Variants in PCNX2 observed in about 807,000 individuals in gnomAD.
The protein encoded by PCNX2 is pecanex-like protein 2.
A neutral mutation model predicts 223.8 loss-of-function variants in PCNX2; 168 were observed. The ratio of observed to expected loss-of-function variants is 0.75; its 90% confidence interval spans 0.66 to 0.85. The LOEUF is 0.85. Ranked by LOEUF, PCNX2 falls within the 40% of genes least tolerant of loss-of-function variation. The pLI is 0.00. For missense variants in PCNX2, 2,507 were observed against 2,675.5 expected, an observed-to-expected ratio of 0.94 and a Z score of 1.39; for synonymous variants, 1,006 against 1,052.6, an observed-to-expected ratio of 0.96 and a Z score of 0.86.
Position 233,062,239 on chromosome 1 carries a change from C to G in PCNX2, c.4077-4949G>C, listed in dbSNP as rs1558195954. On this transcript the variant is annotated intron_variant, in intron 23 of 33. Coordinates refer to ENST00000258229, the MANE Select transcript of PCNX2 (RefSeq NM_014801.4). ...GTGTTTCTTCATATCCCATGGGCAC[C>G]TGAAAAGGTTTTTTTCATTTTCTAT... 3.3e-5 allele frequency among the ~76,000 whole-genome samples: 5 copies of G among 152,014 alleles called. No individual in the cohort carries two copies. The South Asian group carries it at 1.0e-3, about 32-fold the overall frequency.
At chr1:233,096,537 G>A (rs1440235833) in intron 21 of PCNX2, among the ~76,000 whole-genome samples, 1 of 152,162 alleles carries the variant, frequency 6.6e-6, no homozygotes, top group African/African-American at 2.4e-5. Context: ...GTGGTAAGAA[G>A]TGACTAATGA....
At chr1:233,161,484 T>C (rs1678479181) in intron 17 of PCNX2, 121 bp from the exon 18 acceptor site, 2 of 769,488 alleles carry the variant, frequency 2.6e-6, no homozygotes, top group Middle Eastern at 3.7e-4. Flanking sequence ...GCCCATCACT[T>C]ACCTGACACA....
At chr1:233,072,673 T>C (rs1672908563) in intron 23 of PCNX2, among the ~76,000 whole-genome samples, 1 of 152,230 alleles carries the variant, frequency 6.6e-6, no homozygotes, top group African/African-American at 2.4e-5. Flanking sequence ...TTTTCTCCCA[T>C]ACTATTAATA....
At chr1:233,222,898 T>C (rs79878967) in intron 10 of PCNX2, among the ~76,000 whole-genome samples, 2 of 152,110 alleles carry the variant, frequency 1.3e-5, no homozygotes, top group African/African-American at 2.4e-5. Context: ...AGATGTCAAT[T>C]TGGTAGTTAG....
chr1:233,076,506 C>A (rs1299728725), intron 23 of PCNX2, among the ~76,000 whole-genome samples: 1 of 152,218 alleles, frequency 6.6e-6, no homozygotes, highest in East Asian at 1.9e-4. Flanking sequence ...GAACACAATG[C>A]CCATTATACC....
intron 7 of PCNX2, among the ~76,000 whole-genome samples, chr1:233,251,047 G>A (rs1345875082): frequency 6.6e-6 from 1 of 151,934 alleles, no homozygotes; most frequent in African/African-American, 2.4e-5. Flanking sequence ...AATTTTCTTC[G>A]ACCTGCTTCC....
chr1:233,096,338 A>T (rs960680434), intron 21 of PCNX2, among the ~76,000 whole-genome samples: 2 of 152,224 alleles, frequency 1.3e-5, no homozygotes, highest in African/African-American at 4.8e-5. Flanking sequence ...CTAAGACAGG[A>T]TATGAAGCTA....
intron 8 of PCNX2, among the ~76,000 whole-genome samples, chr1:233,245,546 G>C (rs952206209): frequency 6.6e-6 from 1 of 152,194 alleles, no homozygotes; most frequent in South Asian, 2.1e-4. Flanking sequence ...GGAGGGGGCA[G>C]GGCAGAGGCT....
intron 32 of PCNX2, among the ~76,000 whole-genome samples, 159 bp downstream of exon 32, chr1:232,998,092 T>C (rs1485873358): frequency 3.3e-5 from 5 of 152,194 alleles, no homozygotes; most frequent in African/African-American, 9.7e-5. Flanking sequence ...AGAATTGTTT[T>C]CCTGAGCAGA....
At chr1:233,190,639 A>C (rs1025545542) in intron 15 of PCNX2, among the ~76,000 whole-genome samples, 1 of 152,146 alleles carries the variant, frequency 6.6e-6, no homozygotes, top group Non-Finnish European at 1.5e-5. Flanking sequence ...CCTGAGATGA[A>C]ATAAACCTTC....
intron 25 of PCNX2, among the ~76,000 whole-genome samples, chr1:233,053,911 C>G (rs1443822479): frequency 1.3e-5 from 2 of 152,184 alleles, no homozygotes; most frequent in Non-Finnish European, 2.9e-5. Context: ...ATCCCAACAC[C>G]TGTGACCCAC....
At chr1:233,019,724 A>G (rs1405545736) in intron 26 of PCNX2, among the ~76,000 whole-genome samples, 3 of 151,526 alleles carry the variant, frequency 2.0e-5, no homozygotes, top group Non-Finnish European at 2.9e-5. Flanking sequence ...GGGGACAGGG[A>G]TGGCATTAGG....
chr1:233,236,301 G>T (rs1658410898), intron 9 of PCNX2, among the ~76,000 whole-genome samples: 1 of 152,020 alleles, frequency 6.6e-6, no homozygotes. Flanking sequence ...TGCCTCCCAA[G>T]AGTCTCATTA....
At position 233,001,975 on chromosome 1, in the gene PCNX2, C is replaced by T. The variant is rs1271184396; in HGVS notation, c.4953-294G>A. ...GGATTCCAGGTCAGAACTGGCCTCA[C>T]GTGTCCACTCAAAGTTAGAGTGCTA... On this transcript the variant is annotated intron_variant, in intron 28 of 33. Coordinates refer to ENST00000258229, the MANE Select transcript of PCNX2 (RefSeq NM_014801.4). The surrounding 1 kb of genome is among the most constrained non-coding windows in gnomAD (Gnocchi z 4.2). 1.3e-5 allele frequency among the ~76,000 whole-genome samples: 2 copies of T among 152,162 alleles called. No individual in the cohort carries two copies. Among genetic ancestry groups the T allele is most frequent in the African/African-American group, 2.4e-5 (1 of 41,440 alleles).
the PCNX2 span, among the ~76,000 whole-genome samples, chr1:233,314,793 G>A: frequency 6.6e-6 from 1 of 151,856 alleles, no homozygotes; most frequent in Non-Finnish European, 1.5e-5. Context: ...GTTTGTCCAA[G>A]ATAATTTTCA....
chr1:233,108,036 G>A (rs547463946), intron 21 of PCNX2, among the ~76,000 whole-genome samples: 5 of 152,262 alleles, frequency 3.3e-5, no homozygotes, highest in South Asian at 2.1e-4. Context: ...CCATGGCAAC[G>A]TCAGGAAGTT....
chr1:233,271,647 T>G (rs560919847), intron 1 of PCNX2, among the ~76,000 whole-genome samples: 2 of 152,360 alleles, frequency 1.3e-5, no homozygotes, highest in South Asian at 2.1e-4. Flanking sequence ...AGTTGATTTT[T>G]GTATAAGGTG....
intron 25 of PCNX2, among the ~76,000 whole-genome samples, chr1:233,029,889 GA>G (rs558101531): frequency 1.4e-3 from 220 of 152,118 alleles, no homozygotes; most frequent in Admixed American, 6.2e-3. Flanking sequence ...TTAATTTTCA[GA>G]AATTTGATTA....
the PCNX2 span, among the ~76,000 whole-genome samples, chr1:233,317,369 G>A: frequency 1.3e-5 from 2 of 152,204 alleles, no homozygotes; most frequent in South Asian, 2.1e-4. Context: ...AGCTGAGATC[G>A]TGCCACTGCA....
Sources: allele counts gnomAD v4.1 joint callset (sites outside exome capture counted in the v4.1 genomes callset), GRCh38; gene constraint gnomAD v4.1.1; non-coding constraint Gnocchi (gnomAD v3.1); transcripts MANE v1.5; gene names NCBI Gene and HGNC (gene_info 2026-07-23, HGNC 2026-07-21).